Variants in SHISAL2A observed in about 807,000 individuals in gnomAD.
SHISAL2A encodes the protein protein shisa-like-2A.
SHISAL2A carries 18 observed loss-of-function variants against 11.5 expected under a neutral mutation model. The observed-to-expected ratio is 1.57, with a 90% CI of 1.08 to 2.33. SHISAL2A has a LOEUF of 2.33. Among genes scored for constraint, SHISAL2A ranks in the 30% most tolerant of loss-of-function variants. The pLI is 0.00. For synonymous variants in SHISAL2A, 94 were observed against 99.6 expected (o/e 0.94, Z 0.34); for missense variants, 261 against 250.9 (o/e 1.04, Z -0.27).
intron 2 of SHISAL2A, among the ~76,000 whole-genome samples, chr1:52,648,513 C>A (rs949600286): frequency 2.6e-5 from 4 of 152,150 alleles, no homozygotes; most frequent in Non-Finnish European, 5.9e-5. Context: ...CCTTCACCCT[C>A]CTTCCTCTCC....
At chr1:52,634,680 G>A (rs778516894) in intron 1 of SHISAL2A, among the ~76,000 whole-genome samples, 10 of 152,110 alleles carry the variant, frequency 6.6e-5, no homozygotes, top group Non-Finnish European at 1.2e-4. Flanking sequence ...TGGGAAACAG[G>A]CATCAGCAAA....
At chr1:52,634,186 A>G (rs1020996291) in intron 1 of SHISAL2A, among the ~76,000 whole-genome samples, 1 of 152,038 alleles carries the variant, frequency 6.6e-6, no homozygotes, top group Non-Finnish European at 1.5e-5. Flanking sequence ...GTCCCACCTC[A>G]GCTCTTCTCC....
exon 5 of SHISAL2A, chr1:52,667,534 C>A: frequency 3.1e-6 from 1 of 317,534 alleles, no homozygotes; most frequent in Non-Finnish European, 4.5e-6. Context: ...TCATCGTCAT[C>A]ATTATGTTGC....
chr1:52,664,238 T>A (rs1355912831), intron 4 of SHISAL2A, among the ~76,000 whole-genome samples: 1 of 151,866 alleles, frequency 6.6e-6, no homozygotes, highest in Non-Finnish European at 1.5e-5. Context: ...TCGCCCAGGC[T>A]GGAGTGCAGT....
At chr1:52,647,153 G>T (rs1427356279) in intron 2 of SHISAL2A, among the ~76,000 whole-genome samples, 2 of 152,046 alleles carry the variant, frequency 1.3e-5, no homozygotes, top group Admixed American at 1.3e-4. Flanking sequence ...TTGTTTTAGA[G>T]ACATGAGTTT....
intron 2 of SHISAL2A, among the ~76,000 whole-genome samples, chr1:52,656,040 T>C (rs1385585959): frequency 6.6e-6 from 1 of 152,194 alleles, no homozygotes; most frequent in Admixed American, 6.5e-5. Context: ...ATGACTCGAA[T>C]TTTTGGCTTA....
rs377006562 is a variant in SHISAL2A, at chr1:52,667,401, G to A, written n.698G>A. 1.2e-5 allele frequency: 12 copies of A among 984,920 alleles called. No individual in the cohort carries two copies. In the African/African-American group the frequency reaches 1.2e-4, roughly 10 times the overall value. The allele number at this position is 984,920 out of a possible 1,614,324, so 61.0% of individuals were successfully genotyped here. A position where few individuals can be genotyped will look rare whatever the true frequency, so the allele number is the denominator to read the frequency against. ...TCACATTCTCTATGACCCTGCAGGT[G>A]GTTCCTAACTTCCTGGCAACAACCA... On this transcript the variant is annotated splice_region_variant and non_coding_transcript_exon_variant, in exon 5 of 6. Transcript: ENST00000401050.
At chr1:52,635,305 C>G (rs1311054021) in intron 1 of SHISAL2A, among the ~76,000 whole-genome samples, 1 of 152,134 alleles carries the variant, frequency 6.6e-6, no homozygotes, top group Admixed American at 6.6e-5. Context: ...ATCACAGGGC[C>G]AACCAAGTGG....
rs549922647 is a variant in SHISAL2A at position 52,652,246 on chromosome 1, A to G, written c.323-4544A>G. 3.3e-5 allele frequency among the ~76,000 whole-genome samples: 5 copies of G among 152,358 alleles called. No homozygotes were observed. The South Asian group carries it at 1.0e-3, about 32-fold the overall frequency. ...AAGGTTGTTCTGGGACAAGAGGATC[A>G]GACATTTTTATGAGAATCGAGAGAA... On this transcript the variant is annotated intron_variant, in intron 2 of 2. Coordinates refer to ENST00000517870, the MANE Select transcript of SHISAL2A (RefSeq NM_001042693.3).
chr1:52,657,065 A>C lies in SHISAL2A; in HGVS notation c.*25A>C. On this transcript the variant is annotated 3_prime_UTR_variant, in exon 3 of 3. Transcript: ENST00000517870. ...AACATTCAATAAATGTCTCCATACC[A>C]TCCCCTTCTGGAGTCTCTTCAGTGA... 1.3e-5 allele frequency: 20 copies of C among 1,558,518 alleles called. No homozygotes were observed. The highest frequency in any genetic ancestry group is 1.7e-5 in the Non-Finnish European group (20 of 1,149,222).
At chr1:52,655,452 C>CAAAAAAAAAAAAAAAAAAAAAAAAAAA in intron 2 of SHISAL2A, among the ~76,000 whole-genome samples, 1 of 40,130 alleles carries the variant, frequency 2.5e-5, no homozygotes, top group Non-Finnish European at 4.5e-5. Context: ...CCTGTATCTA[C>CAAAAAAAAAAAAAAAAAAAAAAAAAAA]AAAAAAAAAA....
intron 2 of SHISAL2A, among the ~76,000 whole-genome samples, chr1:52,654,020 G>A (rs1370549090): frequency 6.6e-6 from 1 of 152,154 alleles, no homozygotes; most frequent in Non-Finnish European, 1.5e-5. Context: ...ACTTCTGGAA[G>A]GCTTGGCTGG....
At chr1:52,650,636 T>A (rs556860407) in intron 2 of SHISAL2A, among the ~76,000 whole-genome samples, 2,810 of 142,092 alleles carry the variant, frequency 0.02, 106 homozygotes, top group African/African-American at 0.067. Context: ...TTCTTTTTTT[T>A]AAAACCCTTT....
At chr1:52,651,705 TTC>T (rs1292922056) in intron 2 of SHISAL2A, among the ~76,000 whole-genome samples, 1 of 152,210 alleles carries the variant, frequency 6.6e-6, no homozygotes, top group Admixed American at 6.5e-5. Context: ...ACCAAGTTTC[TTC>T]TCTTTGAGCT....
Position 52,667,992 on chromosome 1 carries a change from C to A in SHISAL2A, n.876+413C>A, listed in dbSNP as rs568463767. The stretch of plus-strand genomic sequence containing the variant: ...AAAGTTGAAGTAACTGAGATGGTCA[C>A]CCCGGGAGTAAATGGCCCACCCAGC... On this transcript the variant is annotated intron_variant and non_coding_transcript_variant, in intron 5 of 5. Coordinates refer to the SHISAL2A transcript ENST00000401050. 3.0e-4 allele frequency among the ~76,000 whole-genome samples: 46 copies of A among 152,214 alleles called. No homozygotes were observed. The South Asian group carries it at 3.9e-3, about 13-fold the overall frequency.
At chr1:52,641,918 C>G (rs1438871735) in intron 1 of SHISAL2A, among the ~76,000 whole-genome samples, 1 of 151,998 alleles carries the variant, frequency 6.6e-6, no homozygotes, top group African/African-American at 2.4e-5. Flanking sequence ...GCCTGGGCAA[C>G]ATGGCAAAAC....
intron 2 of SHISAL2A, among the ~76,000 whole-genome samples, chr1:52,645,656 G>A (rs908141272): frequency 3.3e-5 from 5 of 152,102 alleles, no homozygotes; most frequent in African/African-American, 1.2e-4. Flanking sequence ...CAATCCACCT[G>A]CCTTGGCCTC....
At chr1:52,666,898 T>C (rs1692024159) in intron 4 of SHISAL2A, among the ~76,000 whole-genome samples, 1 of 152,178 alleles carries the variant, frequency 6.6e-6, no homozygotes, top group South Asian at 2.1e-4. Flanking sequence ...CACAGATACT[T>C]GCTGATCACC....
Position 52,634,615 on chromosome 1 carries a change from C to T in SHISAL2A, c.182+940C>T, listed in dbSNP as rs545936007. Among the ~76,000 whole-genome samples, 8 of 152,266 alleles carry T rather than the reference C, an allele frequency of 5.3e-5. No homozygotes were observed. In the South Asian group the frequency reaches 1.4e-3, roughly 28 times the overall value. ...TTGAGAGGGTAATAGGTCTCAATCC[C>T]CCTGGGTCTCCAAAGGCCTTACCTG... is the stretch of plus-strand genomic sequence containing the variant. On this transcript the variant is annotated intron_variant, in intron 1 of 2. Coordinates refer to ENST00000517870, the MANE Select transcript of SHISAL2A (RefSeq NM_001042693.3).
Sources: gnomAD v4.1 joint callset for allele counts (sites outside exome capture counted in the v4.1 genomes callset) on GRCh38, gnomAD v4.1.1 for gene constraint, MANE v1.5 for transcripts, NCBI Gene and HGNC (gene_info 2026-07-23, HGNC 2026-07-21) for gene names.